The following OTOGL variants were observed in gnomAD, a reference collection of about 807,000 sequenced individuals.
OTOGL encodes the protein otogelin like.
A neutral mutation model predicts 318.5 loss-of-function variants in OTOGL; 285 were observed. The observed-to-expected ratio is 0.89, with a 90% CI of 0.81 to 0.99. The LOEUF (loss-of-function observed/expected upper bound fraction) is 0.99. OTOGL is among the 50% of genes least tolerant of loss of function. OTOGL has a pLI of 0.00. For missense variants in OTOGL, 2,899 were observed against 2,845.6 expected, an observed-to-expected ratio of 1.02 and a Z score of -0.43; for synonymous variants, 987 against 936.5, an observed-to-expected ratio of 1.05 and a Z score of -0.99.
At chr12:80,260,855 AAGAG>A (rs1882471525) in intron 18 of OTOGL, among the ~76,000 whole-genome samples, 3 of 152,144 alleles carry the variant, frequency 2.0e-5, no homozygotes, top group Non-Finnish European at 2.9e-5. Context: ...CAGAGGAGTG[AAGAG>A]AGAAGGAAGG....
chr12:80,308,626 T>C (rs1175380546), intron 29 of OTOGL, among the ~76,000 whole-genome samples: 1 of 150,472 alleles, frequency 6.6e-6, no homozygotes, highest in African/African-American at 2.5e-5. Context: ...TGCTGGGAGG[T>C]GGAGGTTGTA....
intron 49 of OTOGL, among the ~76,000 whole-genome samples, chr12:80,357,700 T>C (rs1012557127): frequency 1.8e-4 from 27 of 152,204 alleles, no homozygotes; most frequent in Non-Finnish European, 2.4e-4. Flanking sequence ...TATGTCTCTA[T>C]ATATGACTCA....
chr12:80,105,184 T>G (rs1360491876), intron 1 of OTOGL, among the ~76,000 whole-genome samples: 2 of 152,272 alleles, frequency 1.3e-5, no homozygotes, highest in Non-Finnish European at 2.9e-5. Flanking sequence ...CAATTTCCTA[T>G]CTTTGGGTAA....
At chr12:80,333,140 T>C in intron 38 of OTOGL, 62 bp downstream of exon 38, 1 of 1,428,050 alleles carries the variant, frequency 7.0e-7, no homozygotes, top group Non-Finnish European at 9.7e-7. Flanking sequence ...TTCAAATTTC[T>C]GTGTCAATAT....
At chr12:80,120,660 T>C (rs965898385) in intron 1 of OTOGL, among the ~76,000 whole-genome samples, 2 of 152,206 alleles carry the variant, frequency 1.3e-5, no homozygotes, top group Non-Finnish European at 2.9e-5. Flanking sequence ...ATATGAATAT[T>C]GCTACACAAG....
intron 18 of OTOGL, among the ~76,000 whole-genome samples, chr12:80,258,393 A>C (rs964041824): frequency 4.6e-5 from 7 of 152,106 alleles, no homozygotes; most frequent in Admixed American, 6.6e-5. Context: ...CAAACAAAAA[A>C]CCCTCAATAT....
At chr12:80,104,413 C>T (rs1463142071) in intron 1 of OTOGL, among the ~76,000 whole-genome samples, 1 of 152,214 alleles carries the variant, frequency 6.6e-6, no homozygotes, top group Non-Finnish European at 1.5e-5. Flanking sequence ...GGCCCTGCCT[C>T]AGACGAATTA....
At chr12:80,367,145 T>C (rs899757035) in intron 53 of OTOGL, among the ~76,000 whole-genome samples, 2 of 150,576 alleles carry the variant, frequency 1.3e-5, no homozygotes, top group African/African-American at 4.9e-5. Context: ...CCCAGCTTTT[T>C]TTTTTTTTTT....
chr12:80,336,850 C>A (rs1227136119), intron 41 of OTOGL, 30 bp downstream of exon 41: 1 of 1,537,256 alleles, frequency 6.5e-7, no homozygotes, highest in East Asian at 2.5e-5. Context: ...TTAGTACATT[C>A]ATTCTGTTTA....
intron 1 of OTOGL, among the ~76,000 whole-genome samples, chr12:80,172,571 G>T (rs371910448): frequency 5.3e-5 from 8 of 151,936 alleles, no homozygotes; most frequent in African/African-American, 1.9e-4. Context: ...CCTACAATTG[G>T]CTTGCTTTCC....
chr12:80,232,995 T>A lies in OTOGL; in HGVS notation c.715T>A (p.Ser239Thr), dbSNP rs1291394309. 1 of 1,598,766 alleles carries A rather than the reference T, an allele frequency of 6.3e-7. No individual in the cohort carries two copies. The highest frequency in any genetic ancestry group is 1.1e-5 in the South Asian group (1 of 91,062). Residue 239 changes from serine (S) to threonine (T), a missense_variant, in exon 9 of 59, where the codon TCT (serine) becomes ACT (threonine). By Grantham distance (58) the Ser-to-Thr change is moderately conservative. Around this residue, in one of 3 missense-constraint regions of OTOGL, gnomAD observed 2,607 missense variants for 2,524.9 expected, o/e 1.03. Transcript: ENST00000547103. Reference sequence around the variant, plus strand: ...CTTTTCATTGGCTTGGGACGGGATATCTGGGATCTACCTCAAGCTGTCTGA... The same window carrying A: ...CTTTTCATTGGCTTGGGACGGGATAACTGGGATCTACCTCAAGCTGTCTGA... Reference protein sequence around the residue: ...FGFSLAWDGISGIYLKLSEDH... With the variant: ...FGFSLAWDGITGIYLKLSEDH...
At chr12:80,324,644 A>G (rs1214805335) in intron 35 of OTOGL, among the ~76,000 whole-genome samples, 3 of 152,198 alleles carry the variant, frequency 2.0e-5, no homozygotes, top group African/African-American at 7.2e-5. Context: ...AGGACAGGGC[A>G]GACTTGATCG....
intron 9 of OTOGL, among the ~76,000 whole-genome samples, chr12:80,235,910 CATAGTATA>C (rs1355287890): frequency 1.3e-5 from 2 of 152,082 alleles, no homozygotes; most frequent in African/African-American, 4.8e-5. Flanking sequence ...TATTTCCTCC[CATAGTATA>C]ATAATGCAAG....
intron 24 of OTOGL, among the ~76,000 whole-genome samples, chr12:80,274,645 A>G (rs1883659613): frequency 6.6e-6 from 1 of 152,122 alleles, no homozygotes; most frequent in African/African-American, 2.4e-5. Flanking sequence ...AGATTTATAT[A>G]GGAATAAAGT....
At chr12:80,286,659 T>C (rs1884648069) in intron 26 of OTOGL, among the ~76,000 whole-genome samples, 1 of 152,124 alleles carries the variant, frequency 6.6e-6, no homozygotes, top group African/African-American at 2.4e-5. Context: ...GTTTATTTGG[T>C]AGAAGTGTTT....
rs777410515 is a variant in OTOGL at position 80,229,254 on chromosome 12, A to G, written c.490-3A>G. The G allele has an allele frequency of 1.3e-6, 2 of 1,596,682 alleles. No individual in the cohort carries two copies. Among genetic ancestry groups the G allele is most frequent in the Admixed American group, 3.3e-5 (2 of 59,930 alleles). ...GCTTTCTTTTTGTTTTTCTCCCTTT[A>G]AGGTTCATAACAGCCCTAAATGCCT... On this transcript the variant is annotated splice_polypyrimidine_tract_variant and splice_region_variant and intron_variant, in intron 7 of 58. Transcript: ENST00000547103.
chr12:80,241,464 T>A (rs1187848137), intron 11 of OTOGL, among the ~76,000 whole-genome samples: 2 of 146,972 alleles, frequency 1.4e-5, no homozygotes, highest in Non-Finnish European at 2.9e-5. Context: ...TTTGTTGTTG[T>A]TTTTTTTCTC....
chr12:80,323,613 C>T (rs967388029), intron 34 of OTOGL, 110 bp from the exon 35 acceptor site: 30 of 806,082 alleles, frequency 3.7e-5, no homozygotes, highest in Admixed American at 7.3e-5. Flanking sequence ...AGTGCCACTG[C>T]GCTCGAGCCT....
At chr12:80,113,565 A>C (rs972596690) in intron 1 of OTOGL, among the ~76,000 whole-genome samples, 1 of 152,030 alleles carries the variant, frequency 6.6e-6, no homozygotes, top group South Asian at 2.1e-4. Flanking sequence ...TGTGGTTTTG[A>C]TTGAGTTTCT....
Sources: allele counts gnomAD v4.1 joint callset (sites outside exome capture counted in the v4.1 genomes callset), GRCh38; gene constraint gnomAD v4.1.1; regional missense constraint gnomAD v4.1.1; transcripts MANE v1.5; gene names NCBI Gene and HGNC (gene_info 2026-07-23, HGNC 2026-07-21).